MED17: variants seen among roughly 807,000 people sequenced by gnomAD.
The protein encoded by MED17 is mediator of RNA polymerase II transcription subunit 17.
Under a neutral mutation model 80.8 loss-of-function variants are expected in MED17, and 49 were observed. That is an observed-to-expected ratio of 0.61 (90% CI 0.48 to 0.77). The LOEUF is 0.77. MED17 is among the 30% of genes least tolerant of loss of function. The probability of loss-of-function intolerance (pLI) is 0.00; values close to 1 mark genes in which losing one functional copy is unlikely to be tolerated. For synonymous variants in MED17, 281 were observed against 280.4 expected (o/e 1.00, Z -0.02); for missense variants, 718 against 787.0 (o/e 0.91, Z 1.05).
At chr11:93,803,719 G>T (rs577067436) in intron 9 of MED17, among the ~76,000 whole-genome samples, 6 of 152,080 alleles carry the variant, frequency 3.9e-5, no homozygotes, top group Admixed American at 3.9e-4. Context: ...CAATGGAAAA[G>T]AAAAGAGAAA....
At chr11:93,803,629 A>G (rs1015653377) in intron 9 of MED17, among the ~76,000 whole-genome samples, 2 of 152,112 alleles carry the variant, frequency 1.3e-5, no homozygotes, top group African/African-American at 2.4e-5. Flanking sequence ...GTTGGTGTTT[A>G]TTATTTATTT....
At chr11:93,794,843 A>G (rs536602728) in intron 5 of MED17, 65 bp from the exon 6 acceptor site, 2 of 1,512,726 alleles carry the variant, frequency 1.3e-6, no homozygotes, top group Admixed American at 3.3e-5. Context: ...TATTCAGATC[A>G]CCATTTAAAC....
In MED17 at chr11:93,791,123, CAA is replaced by C. The variant is rs370285176; in HGVS notation, c.637+331_637+332del. Among the ~76,000 whole-genome samples, 24 of 152,286 alleles carry C rather than the reference CAA, an allele frequency of 1.6e-4. 1 individual carries two copies. The highest frequency in any genetic ancestry group is 4.3e-4 in the African/African-American group (18 of 41,568). On this transcript the variant is annotated intron_variant, in intron 3 of 11. Coordinates refer to ENST00000251871, the MANE Select transcript of MED17 (RefSeq NM_004268.5). Reference sequence around the variant, plus strand: ...ACTCTCTCAAAAACACAAACAAAAACAATGCTTTCTGTGTAAGTATAATGTTA... The same window carrying C: ...ACTCTCTCAAAAACACAAACAAAAACTGCTTTCTGTGTAAGTATAATGTTA...
chr11:93,811,963 C>T lies in MED17; in HGVS notation c.1855C>T (p.Arg619Cys), dbSNP rs1180408966. 4 of 1,613,858 alleles carry T rather than the reference C, an allele frequency of 2.5e-6. No homozygotes were observed. The highest frequency in any genetic ancestry group is 2.5e-6 in the Non-Finnish European group (3 of 1,179,954). ...ACAAGATAACAAATGGAGTCATCTT[C>T]GTGGGCCATTCAAAGAAGTTCAGTG... ...VLQDNKWSHL[R>C]GPFKEVQWNK... The change falls in exon 12 of 12, where the codon CGT (arginine) becomes TGT (cysteine). Residue 619 changes from arginine to cysteine, a missense_variant. By Grantham distance (180) the Arg-to-Cys change is radical. Transcript: ENST00000251871.
At position 93,811,976 on chromosome 11, in the gene MED17, A is replaced by G. The variant is rs570654786; in HGVS notation, c.1868A>G (p.Lys623Arg). ...NKWSHLRGPFKEVQWNKMEGR... is the reference protein window; with the variant it reads ...NKWSHLRGPFREVQWNKMEGR... ...TGGAGTCATCTTCGTGGGCCATTCA[A>G]AGAAGTTCAGTGGAATAAAATGGAA... The change falls in exon 12 of 12, where the codon AAA becomes AGA. Residue 623 changes from lysine to arginine, a missense_variant. Coordinates refer to ENST00000251871, the MANE Select transcript of MED17 (RefSeq NM_004268.5). 1.2e-4 allele frequency: 197 copies of G among 1,614,114 alleles called. 1 individual carries two copies. The South Asian group carries it at 2.0e-3, about 17-fold the overall frequency.
chr11:93,804,327 T>A (rs919214623), intron 9 of MED17, among the ~76,000 whole-genome samples: 1 of 151,952 alleles, frequency 6.6e-6, no homozygotes, highest in Non-Finnish European at 1.5e-5. Flanking sequence ...TAAGGGTGGG[T>A]CTGCCTTTCC....
chr11:93,793,906 C>T (rs1943870770), intron 4 of MED17, 42 bp downstream of exon 4: 1 of 1,612,346 alleles, frequency 6.2e-7, no homozygotes, highest in Non-Finnish European at 8.5e-7. Context: ...TTACGAATAG[C>T]CTGAAGTTAA....
chr11:93,790,333 T>C (rs1242563132), intron 2 of MED17: 5 of 573,564 alleles, frequency 8.7e-6, no homozygotes, highest in African/African-American at 7.4e-5. Flanking sequence ...CTGGACAGAG[T>C]TGATGCAATG....
rs904578586 is a variant in MED17, at chr11:93,812,305, T to C, written c.*241T>C. The C allele has an allele frequency of 4.7e-5, 27 of 572,286 alleles. No homozygotes were observed. Among genetic ancestry groups the C allele is most frequent in the Admixed American group, 1.9e-4 (6 of 31,338 alleles). 35.5% of individuals were successfully genotyped at this position (572,286 alleles called of 1,614,324 possible). ...GACAAGATGTAAAATAATATGTTTT[T>C]CATGCAGTTTAAAATATTACTAACT... is the stretch of plus-strand genomic sequence containing the variant. On this transcript the variant is annotated 3_prime_UTR_variant, in exon 12 of 12. Coordinates refer to ENST00000251871, the MANE Select transcript of MED17 (RefSeq NM_004268.5).
rs756969593 is a variant in MED17 at position 93,784,478 on chromosome 11, T to TG, written c.-30dup. The TG allele has an allele frequency of 2.7e-5, 42 of 1,575,794 alleles. No individual in the cohort carries two copies. Among genetic ancestry groups the TG allele is most frequent in the Middle Eastern group, 1.7e-4 (1 of 5,936 alleles). On this transcript the variant is annotated 5_prime_UTR_variant, in exon 1 of 12. Coordinates refer to ENST00000251871, the MANE Select transcript of MED17 (RefSeq NM_004268.5). ...TCTTCGTACCTCGTTTTTTGGCTCG[T>TG]GGGGGGTCCTCCCACCGCTGGCCGA...
At chr11:93,808,066 A>C in intron 10 of MED17, 1 of 228,552 alleles carries the variant, frequency 4.4e-6, no homozygotes, top group Non-Finnish European at 8.7e-6. Context: ...GGCAGTATAG[A>C]AAGTGATGGG....
chr11:93,813,057 G>T lies in MED17; in HGVS notation c.*993G>T, dbSNP rs1944100128. 5 of 152,296 alleles carry T rather than the reference G, an allele frequency of 3.3e-5. No individual in the cohort carries two copies. In the South Asian group the frequency reaches 1.0e-3, roughly 32 times the overall value. The allele number at this position is 152,296 out of a possible 1,614,324, so 9.4% of individuals were successfully genotyped here. A position where few individuals can be genotyped will look rare whatever the true frequency, so the allele number is the denominator to read the frequency against. ...CTTTTTCAAAGCGAAAAAACTAATG[G>T]ATTAGTGGGTTATCTTTTCCAAGGA... On this transcript the variant is annotated 3_prime_UTR_variant, in exon 12 of 12. Transcript: ENST00000251871.
At chr11:93,796,261 C>A in intron 6 of MED17, 149 bp from the exon 7 acceptor site, 1 of 828,824 alleles carries the variant, frequency 1.2e-6, no homozygotes, top group African/African-American at 1.7e-5. Flanking sequence ...AAATAGTAAT[C>A]TTGATATACA....
intron 3 of MED17, chr11:93,793,342 C>T (rs2135712770): frequency 4.7e-6 from 1 of 212,872 alleles, no homozygotes; most frequent in South Asian, 6.8e-5. Flanking sequence ...GTCTTGAACT[C>T]CTGACCTCAG....
intron 11 of MED17, 54 bp from the exon 12 acceptor site, chr11:93,811,799 T>G: frequency 7.0e-7 from 1 of 1,430,788 alleles, no homozygotes; most frequent in Non-Finnish European, 9.9e-7. Flanking sequence ...TTTATCCTTG[T>G]TATTTCTAGT....
chr11:93,797,863 G>A (rs1178013229), intron 8 of MED17, 144 bp downstream of exon 8: 2 of 719,382 alleles, frequency 2.8e-6, no homozygotes, highest in Non-Finnish European at 4.6e-6. Flanking sequence ...TGCGGTCATA[G>A]ACTGGGTCCT....
rs917156438 is a variant in MED17, at chr11:93,813,686, C to A, written c.*1622C>A. 2.6e-5 allele frequency: 4 copies of A among 152,030 alleles called. No homozygotes were observed. The highest frequency in any genetic ancestry group is 5.9e-5 in the Non-Finnish European group (4 of 68,004). The allele number at this position is 152,030 out of a possible 1,614,324, so 9.4% of individuals were successfully genotyped here. ...TTTGAAAAGATACAAAATAAAAGCC[C>A]CATTTATTTGATTATAACTTGATTA... On this transcript the variant is annotated 3_prime_UTR_variant, in exon 12 of 12. Coordinates refer to ENST00000251871, the MANE Select transcript of MED17 (RefSeq NM_004268.5).
chr11:93,811,488 TAGAG>T (rs944510786), intron 11 of MED17: 1 of 274,914 alleles, frequency 3.6e-6, no homozygotes, highest in East Asian at 1.0e-4. Context: ...CCTGGCAACA[TAGAG>T]AGACCTTGTC....
At position 93,784,535 on chromosome 11, in the gene MED17, C is replaced by T; in HGVS notation, c.22C>T (p.Arg8Trp). 6.2e-7 allele frequency: 1 copy of T among 1,610,658 alleles called. No homozygotes were observed. Among genetic ancestry groups the T allele is most frequent in the Non-Finnish European group, 8.5e-7 (1 of 1,178,808 alleles). ...CAGCATGTCCGGGGTGCGCGCAGTGCGGATCAGCATCGAATCGGCCTGCGA... is the reference window on the plus strand; with the variant it reads ...CAGCATGTCCGGGGTGCGCGCAGTGTGGATCAGCATCGAATCGGCCTGCGA... The part of the protein sequence containing the change: MSGVRAV[R>W]ISIESACEKQ... Residue 8 changes from arginine to tryptophan, a missense_variant, in exon 1 of 12, where the codon CGG becomes TGG. Coordinates refer to ENST00000251871, the MANE Select transcript of MED17 (RefSeq NM_004268.5).
Sources: gnomAD v4.1 joint callset for allele counts (sites outside exome capture counted in the v4.1 genomes callset) on GRCh38, gnomAD v4.1.1 for gene constraint, MANE v1.5 for transcripts, NCBI Gene and HGNC (gene_info 2026-07-23, HGNC 2026-07-21) for gene names.